The following SPATA6 variants were observed in gnomAD, a reference collection of about 807,000 sequenced individuals.
The protein encoded by SPATA6 is spermatogenesis associated 6.
SPATA6 carries 56 observed loss-of-function variants against 65.3 expected under a neutral mutation model. The ratio of observed to expected loss-of-function variants is 0.86; its 90% CI spans 0.69 to 1.07. SPATA6 has a LOEUF of 1.07. Among genes scored for constraint, SPATA6 ranks in the 50% least tolerant of loss-of-function variants. The pLI, the probability that SPATA6 is intolerant of heterozygous loss-of-function variation, is 0.00. For missense variants in SPATA6, 590 were observed against 594.8 expected, an observed-to-expected ratio of 0.99 and a Z score of 0.08; for synonymous variants, 199 against 213.2, an observed-to-expected ratio of 0.93 and a Z score of 0.58.
chr1:48,447,048 G>A (rs1656120269), intron 3 of SPATA6, among the ~76,000 whole-genome samples: 1 of 152,128 alleles, frequency 6.6e-6, no homozygotes, highest in South Asian at 2.1e-4. Context: ...TTAATGAAGA[G>A]TAAATATATT....
rs745508394 is a variant in SPATA6 at position 48,295,981 on chromosome 1, A to G, written c.*2732T>C. ...CTTAAATAAGGTTATATAACTAGCT[A>G]GTAGAACCAAGGAAGAGTCTCATTC... On this transcript the variant is annotated 3_prime_UTR_variant, in exon 13 of 13. Transcript: ENST00000371847. The G allele has an allele frequency of 1.3e-5, 2 of 152,130 alleles. No homozygotes were observed. The highest frequency in any genetic ancestry group is 2.9e-5 in the Non-Finnish European group (2 of 68,006). 9.4% of individuals were successfully genotyped at this position (152,130 alleles called of 1,614,324 possible). A position where few individuals can be genotyped will look rare whatever the true frequency, so the allele number is the denominator to read the frequency against.
chr1:48,289,572 A>G, the SPATA6 span, among the ~76,000 whole-genome samples: 1 of 152,212 alleles, frequency 6.6e-6, no homozygotes, highest in African/African-American at 2.4e-5. Flanking sequence ...AGGACGTTCA[A>G]ACCCATCGCA....
chr1:48,315,629 C>A (rs181269398), intron 11 of SPATA6, among the ~76,000 whole-genome samples: 1 of 152,110 alleles, frequency 6.6e-6, no homozygotes, highest in African/African-American at 2.4e-5. Flanking sequence ...AAAACTGGCA[C>A]AAGACAGGGA....
chr1:48,326,672 A>C (rs1315097989), intron 11 of SPATA6, among the ~76,000 whole-genome samples: 1 of 152,176 alleles, frequency 6.6e-6, no homozygotes, highest in Non-Finnish European at 1.5e-5. Flanking sequence ...CAGACACATA[A>C]TCAATGGAAT....
At chr1:48,262,542 A>C in the SPATA6 span, 3 of 152,144 alleles carry the variant, frequency 2.0e-5, no homozygotes, top group Non-Finnish European at 4.4e-5. Flanking sequence ...GGAACAATCT[A>C]AATGTCCAAT....
intron 6 of SPATA6, among the ~76,000 whole-genome samples, chr1:48,399,890 A>C (rs1263555315): frequency 1.3e-5 from 2 of 151,940 alleles, no homozygotes; most frequent in Non-Finnish European, 2.9e-5. Context: ...CTTTATAAAA[A>C]TTAAAGCCCG....
intron 11 of SPATA6, among the ~76,000 whole-genome samples, chr1:48,310,913 T>C (rs1016019670): frequency 5.3e-5 from 8 of 152,016 alleles, no homozygotes; most frequent in African/African-American, 1.9e-4. Flanking sequence ...TAGAGAATAA[T>C]AGCAGAAGAA....
chr1:48,436,970 C>T, intron 3 of SPATA6: 2 of 1,611,936 alleles, frequency 1.2e-6, no homozygotes, highest in Non-Finnish European at 1.7e-6. Flanking sequence ...ACACCATCCT[C>T]AAAAACTTTC....
At chr1:48,333,197 G>A (rs897209563) in intron 11 of SPATA6, among the ~76,000 whole-genome samples, 10 of 152,116 alleles carry the variant, frequency 6.6e-5, no homozygotes, top group African/African-American at 2.2e-4. Context: ...AGGAAAACCA[G>A]GCAGATGAAG....
chr1:48,404,892 T>G (rs1434033642), intron 5 of SPATA6, among the ~76,000 whole-genome samples: 1 of 152,180 alleles, frequency 6.6e-6, no homozygotes, highest in Middle Eastern at 3.2e-3. Flanking sequence ...GTGAAAATAT[T>G]TGGAAGCACA....
Position 48,363,631 on chromosome 1 carries a change from T to A in SPATA6, c.910-3861A>T, listed in dbSNP as rs181209425. 2.0e-5 allele frequency among the ~76,000 whole-genome samples: 3 copies of A among 152,142 alleles called. No individual in the cohort carries two copies. In the East Asian group the frequency reaches 5.8e-4, roughly 29 times the overall value. ...TTTACATTTATGAAAAGAGTTTTTT[T>A]AATGACTTTCTATGAACCCACAAAT... On this transcript the variant is annotated intron_variant, in intron 9 of 12. Transcript: ENST00000371847.
chr1:48,450,637 C>T (rs1199615361), intron 3 of SPATA6, among the ~76,000 whole-genome samples: 1 of 152,140 alleles, frequency 6.6e-6, no homozygotes, highest in Non-Finnish European at 1.5e-5. Flanking sequence ...AGGGCTAGAA[C>T]AGCTATACAA....
the SPATA6 span, among the ~76,000 whole-genome samples, chr1:48,266,500 A>G: frequency 6.6e-6 from 1 of 152,346 alleles, no homozygotes; most frequent in South Asian, 2.1e-4. Flanking sequence ...ATACAATGAA[A>G]TAAGTTAAAT....
intron 1 of SPATA6, among the ~76,000 whole-genome samples, chr1:48,469,926 G>T (rs1658108829): frequency 6.6e-6 from 1 of 151,734 alleles, no homozygotes; most frequent in Admixed American, 6.6e-5. Context: ...CTAAACAGTT[G>T]TGCAATCCTA....
intron 3 of SPATA6, among the ~76,000 whole-genome samples, chr1:48,433,063 C>T (rs932730375): frequency 2.0e-5 from 3 of 152,120 alleles, no homozygotes; most frequent in Admixed American, 1.3e-4. Flanking sequence ...TTGTGCTTAT[C>T]TGAGATACTC....
chr1:48,401,729 T>C (rs932875301), intron 6 of SPATA6, among the ~76,000 whole-genome samples: 1 of 152,032 alleles, frequency 6.6e-6, no homozygotes, highest in Non-Finnish European at 1.5e-5. Flanking sequence ...AACATGTGAG[T>C]AAAGCCATCC....
intron 1 of SPATA6, among the ~76,000 whole-genome samples, chr1:48,469,619 G>A (rs1395196035): frequency 6.6e-6 from 1 of 151,942 alleles, no homozygotes; most frequent in East Asian, 1.9e-4. Flanking sequence ...ACTTCTCTGA[G>A]TATATCATGT....
chr1:48,418,134 T>A (rs1652953761), intron 3 of SPATA6, among the ~76,000 whole-genome samples: 1 of 152,212 alleles, frequency 6.6e-6, no homozygotes, highest in Non-Finnish European at 1.5e-5. Flanking sequence ...TTTAAACTAA[T>A]CTTAGTTATT....
At chr1:48,407,261 T>C (rs1271351624) in intron 5 of SPATA6, among the ~76,000 whole-genome samples, 1 of 152,162 alleles carries the variant, frequency 6.6e-6, no homozygotes, top group Non-Finnish European at 1.5e-5. Context: ...GGCTTTCACT[T>C]TTGGCTGGGC....
Sources: allele counts gnomAD v4.1 joint callset (sites outside exome capture counted in the v4.1 genomes callset), GRCh38; gene constraint gnomAD v4.1.1; transcripts MANE v1.5; gene names NCBI Gene and HGNC (gene_info 2026-07-23, HGNC 2026-07-21).